The following BCL7B variants were observed in gnomAD, a reference collection of about 807,000 sequenced individuals.
BCL7B encodes B-cell CLL/lymphoma 7 protein family member B.
BCL7B carries 11 observed loss-of-function variants against 26.5 expected under a neutral mutation model. That is an observed-to-expected ratio of 0.42 (90% CI 0.26 to 0.69). The LOEUF (loss-of-function observed/expected upper bound fraction) is 0.69. Among genes scored for constraint, BCL7B ranks in the 30% least tolerant of loss-of-function variants. BCL7B has a pLI of 0.28. For synonymous variants in BCL7B, 111 were observed against 107.9 expected (o/e 1.03, Z -0.18); for missense variants, 215 against 264.4 (o/e 0.81, Z 1.30).
intron 2 of BCL7B, among the ~76,000 whole-genome samples, chr7:73,549,775 A>G (rs1402644090): frequency 6.6e-6 from 1 of 152,260 alleles, no homozygotes; most frequent in African/African-American, 2.4e-5. Flanking sequence ...GGCTCCAGTG[A>G]GCTGAGATCA....
chr7:73,546,808 G>A (rs569322289), intron 2 of BCL7B, among the ~76,000 whole-genome samples: 6 of 152,186 alleles, frequency 3.9e-5, no homozygotes, highest in Admixed American at 1.3e-4. Flanking sequence ...CAAAAACTGC[G>A]TTGAGAAACT....
intron 4 of BCL7B, 61 bp from the exon 5 acceptor site, chr7:73,538,074 G>T: frequency 1.7e-6 from 2 of 1,163,266 alleles, no homozygotes; most frequent in Non-Finnish European, 1.2e-6. Flanking sequence ...ACCTGGGGGA[G>T]CTTCCTTAGA....
chr7:73,540,829 C>CAAAAAAAAA (rs56111929), intron 3 of BCL7B, among the ~76,000 whole-genome samples: 4 of 50,940 alleles, frequency 7.9e-5, no homozygotes, highest in African/African-American at 1.6e-4. Context: ...GACTCTGTCT[C>CAAAAAAAAA]AAAAAAAAAA....
intron 2 of BCL7B, among the ~76,000 whole-genome samples, chr7:73,548,158 A>G (rs1792023315): frequency 6.6e-6 from 1 of 152,080 alleles, no homozygotes; most frequent in Non-Finnish European, 1.5e-5. Context: ...GCCTGGGCGC[A>G]GTGGCTCACG....
rs1393722957 is a variant in BCL7B, at chr7:73,537,146, G to A, written c.*152C>T. 15 of 646,982 alleles carry A rather than the reference G, an allele frequency of 2.3e-5. No individual in the cohort carries two copies. In the East Asian group the frequency reaches 3.2e-4, roughly 14 times the overall value. 40.1% of individuals were successfully genotyped at this position (646,982 alleles called of 1,614,324 possible). On this transcript the variant is annotated 3_prime_UTR_variant, in exon 6 of 6. Transcript: ENST00000223368. Reference sequence around the variant, plus strand: ...CCAGGGTCAGGAAGATGATGCTACAGCCCCAAGTCCTACGCCAGCCTTCCA... The same window carrying A: ...CCAGGGTCAGGAAGATGATGCTACAACCCCAAGTCCTACGCCAGCCTTCCA...
At position 73,557,115 on chromosome 7, in the gene BCL7B, C is replaced by T. The variant is rs1792389448; in HGVS notation, c.92+372G>A. On this transcript the variant is annotated intron_variant, in intron 1 of 5. Transcript: ENST00000223368. ...CCACTCCAGGGCTACTCGCTATTAT[C>T]AAGAGGAAGCCTGGAAACGCAGGCG... is the stretch of plus-strand genomic sequence containing the variant. 4 of 995,658 alleles carry T rather than the reference C, an allele frequency of 4.0e-6. No individual in the cohort carries two copies. In the South Asian group the frequency reaches 1.9e-4, roughly 47 times the overall value. 61.7% of individuals were successfully genotyped at this position (995,658 alleles called of 1,614,324 possible).
chr7:73,557,677 A>G lies in BCL7B; in HGVS notation c.-99T>C. The G allele has an allele frequency of 1.5e-6, 1 of 670,194 alleles. No homozygotes were observed. The highest frequency in any genetic ancestry group is 1.9e-6 in the Non-Finnish European group (1 of 522,868). 41.5% of individuals were successfully genotyped at this position (670,194 alleles called of 1,614,324 possible). On this transcript the variant is annotated 5_prime_UTR_variant, in exon 1 of 6. Transcript: ENST00000223368. ...GCCCGCCCGCCGCCGCCGCAGCGTC[A>G]CAGCGGCCGTCGCCCCCTCCGTGCG...
At chr7:73,556,292 G>A (rs1023802858) in intron 1 of BCL7B, among the ~76,000 whole-genome samples, 1 of 152,160 alleles carries the variant, frequency 6.6e-6, no homozygotes, top group Non-Finnish European at 1.5e-5. Flanking sequence ...AGGAGGTAAA[G>A]GGATGGGAGG....
intron 4 of BCL7B, among the ~76,000 whole-genome samples, chr7:73,539,409 G>A (rs942535620): frequency 6.6e-6 from 1 of 151,698 alleles, no homozygotes; most frequent in Non-Finnish European, 1.5e-5. Flanking sequence ...ATGCCACCAC[G>A]CCCAACTAAA....
intron 2 of BCL7B, among the ~76,000 whole-genome samples, chr7:73,548,125 T>C (rs1458524941): frequency 6.6e-6 from 1 of 151,082 alleles, no homozygotes; most frequent in Non-Finnish European, 1.5e-5. Flanking sequence ...AAAAAAAATG[T>C]AGGTGCATGA....
intron 1 of BCL7B, among the ~76,000 whole-genome samples, chr7:73,554,048 G>A (rs767799246): frequency 6.6e-6 from 1 of 151,266 alleles, no homozygotes; most frequent in African/African-American, 2.4e-5. Context: ...ACTCCTTGCG[G>A]CCTCAAAATC....
At chr7:73,552,333 C>A in intron 1 of BCL7B, 91 bp from the exon 2 acceptor site, 1 of 1,041,302 alleles carries the variant, frequency 9.6e-7, no homozygotes, top group East Asian at 2.5e-5. Flanking sequence ...GCAGATCATT[C>A]CTTCAATCTG....
intron 3 of BCL7B, among the ~76,000 whole-genome samples, chr7:73,541,694 T>C (rs537884940): frequency 2.0e-4 from 30 of 152,296 alleles, no homozygotes; most frequent in Admixed American, 5.2e-4. Context: ...CTCGAACTCC[T>C]GACCTCAGGT....
chr7:73,544,326 CAGG>C (rs1455634197), intron 2 of BCL7B, among the ~76,000 whole-genome samples: 10 of 152,090 alleles, frequency 6.6e-5, no homozygotes, highest in Non-Finnish European at 1.2e-4. Flanking sequence ...GAGGCTGAGG[CAGG>C]AGAATTGCTT....
intron 2 of BCL7B, among the ~76,000 whole-genome samples, chr7:73,546,289 TA>T (rs201327277): frequency 1.3e-5 from 2 of 152,242 alleles, no homozygotes; most frequent in East Asian, 3.9e-4. Context: ...GGCACCCTGA[TA>T]AACAGAACAG....
At chr7:73,540,104 A>G (rs782177228) in intron 3 of BCL7B, 52 bp from the exon 4 acceptor site, 17 of 1,576,550 alleles carry the variant, frequency 1.1e-5, no homozygotes, top group Admixed American at 7.3e-5. Context: ...ATTTTCCTCA[A>G]GAGGAACTCT....
intron 2 of BCL7B, among the ~76,000 whole-genome samples, chr7:73,549,003 T>A (rs1365608774): frequency 6.6e-6 from 1 of 152,176 alleles, no homozygotes; most frequent in Non-Finnish European, 1.5e-5. Flanking sequence ...TATAAATTGG[T>A]ACAACTACCA....
At chr7:73,555,375 G>A (rs1330234250) in intron 1 of BCL7B, among the ~76,000 whole-genome samples, 1 of 139,366 alleles carries the variant, frequency 7.2e-6, no homozygotes, top group East Asian at 2.0e-4. Context: ...GCACTCCAAC[G>A]TGGGTGACAG....
Position 73,538,023 on chromosome 7 carries a change from C to T in BCL7B, c.437-10G>A. ...GAGGGCAGGGAGGGCTCTGAAAAGG[C>T]AGTAGGGTCGGCCTGAGGGCAGGGC... On this transcript the variant is annotated splice_polypyrimidine_tract_variant and intron_variant, in intron 4 of 5. Transcript: ENST00000223368. 1.3e-6 allele frequency: 2 copies of T among 1,586,622 alleles called. No individual in the cohort carries two copies. The highest frequency in any genetic ancestry group is 1.7e-6 in the Non-Finnish European group (2 of 1,166,232).
Sources: allele counts gnomAD v4.1 joint callset (sites outside exome capture counted in the v4.1 genomes callset), GRCh38; gene constraint gnomAD v4.1.1; transcripts MANE v1.5; gene names NCBI Gene and HGNC (gene_info 2026-07-23, HGNC 2026-07-21).